Variants in TNIK observed in about 807,000 individuals in gnomAD.
The protein encoded by TNIK is TRAF2 and NCK-interacting protein kinase.
A neutral mutation model predicts 191.3 loss-of-function variants in TNIK; 49 were observed. The ratio of observed to expected loss-of-function variants is 0.26; its 90% confidence interval spans 0.20 to 0.32. The LOEUF (loss-of-function observed/expected upper bound fraction) is 0.32, where lower values mean the gene tolerates loss of function less well. Among genes scored for constraint, TNIK ranks in the 10% least tolerant of loss-of-function variants. The probability of loss-of-function intolerance (pLI) is 1.00; values close to 1 mark genes in which losing one functional copy is unlikely to be tolerated. For missense variants in TNIK, 1,155 were observed against 1,702.3 expected, an observed-to-expected ratio of 0.68 and a Z score of 5.66; for synonymous variants, 594 against 600.9, an observed-to-expected ratio of 0.99 and a Z score of 0.17.
intron 3 of TNIK, among the ~76,000 whole-genome samples, chr3:171,212,006 G>T (rs1448497963): frequency 1.3e-5 from 2 of 152,160 alleles, no homozygotes; most frequent in Middle Eastern, 3.2e-3. Flanking sequence ...TTTTCTTGAT[G>T]TGTATACACA....
intron 2 of TNIK, among the ~76,000 whole-genome samples, chr3:171,233,759 C>G (rs1743947911): frequency 1.3e-5 from 2 of 152,146 alleles, no homozygotes; most frequent in African/African-American, 4.8e-5. Flanking sequence ...AGGCACTCAG[C>G]AAATATTTGC....
intron 28 of TNIK, 186 bp from the exon 29 acceptor site, chr3:171,071,509 T>C (rs1719172449): frequency 1.8e-6 from 1 of 563,632 alleles, no homozygotes; most frequent in Non-Finnish European, 3.1e-6. Context: ...CTTAGCGAAC[T>C]TTGGTTGGCA....
intron 2 of TNIK, among the ~76,000 whole-genome samples, chr3:171,367,089 T>C (rs1357920075): frequency 6.6e-6 from 1 of 151,988 alleles, no homozygotes; most frequent in African/African-American, 2.4e-5. Context: ...TAATACAGTA[T>C]TTAACAGAAA....
chr3:171,208,361 A>AT (rs1245554883), intron 4 of TNIK, among the ~76,000 whole-genome samples: 7 of 152,180 alleles, frequency 4.6e-5, no homozygotes, highest in Admixed American at 4.6e-4. Flanking sequence ...AGAAAAAAAA[A>AT]GCAGATGTAA....
At chr3:171,115,175 T>TA (rs1416107581) in intron 18 of TNIK, among the ~76,000 whole-genome samples, 2 of 152,164 alleles carry the variant, frequency 1.3e-5, no homozygotes, top group Non-Finnish European at 2.9e-5. Flanking sequence ...AAAAAATAAA[T>TA]AAAAAATCTC....
At chr3:171,105,819 T>C (rs1490486446) in intron 21 of TNIK, among the ~76,000 whole-genome samples, 2 of 152,190 alleles carry the variant, frequency 1.3e-5, no homozygotes, top group Non-Finnish European at 2.9e-5. Flanking sequence ...GCACAGCCAT[T>C]TTATTGGCAA....
At chr3:171,174,935 G>A (rs1405099210) in intron 9 of TNIK, among the ~76,000 whole-genome samples, 1 of 152,134 alleles carries the variant, frequency 6.6e-6, no homozygotes. Context: ...TCTCTGATAA[G>A]CTGTTCTGTG....
chr3:171,069,210 G>A (rs1466579520), intron 29 of TNIK, among the ~76,000 whole-genome samples: 1 of 152,166 alleles, frequency 6.6e-6, no homozygotes, highest in Non-Finnish European at 1.5e-5. Flanking sequence ...TGTCCTTCGG[G>A]GCAGTGAAGT....
chr3:171,174,459 T>C (rs1735728429), intron 9 of TNIK, among the ~76,000 whole-genome samples: 1 of 152,186 alleles, frequency 6.6e-6, no homozygotes, highest in Non-Finnish European at 1.5e-5. Flanking sequence ...GATACACCAT[T>C]TCCATAGGAA....
intron 27 of TNIK, among the ~76,000 whole-genome samples, chr3:171,080,685 C>T (rs543853057): frequency 2.0e-5 from 3 of 152,054 alleles, no homozygotes; most frequent in Non-Finnish European, 2.9e-5. Flanking sequence ...ATGATCCGCC[C>T]GCCTCGGCCT....
chr3:171,376,792 A>ATAGATAGG (rs1382634768), intron 1 of TNIK, among the ~76,000 whole-genome samples: 1 of 148,398 alleles, frequency 6.7e-6, no homozygotes, highest in Admixed American at 6.7e-5. Flanking sequence ...AGATAGATAG[A>ATAGATAGG]TGAGAGAGAT....
intron 2 of TNIK, among the ~76,000 whole-genome samples, chr3:171,352,262 T>C (rs1388370216): frequency 1.3e-5 from 2 of 152,196 alleles, no homozygotes; most frequent in African/African-American, 4.8e-5. Flanking sequence ...CATAAAATTT[T>C]CCATATCTTC....
chr3:171,142,390 G>A (rs1403361863), intron 12 of TNIK, among the ~76,000 whole-genome samples: 1 of 152,210 alleles, frequency 6.6e-6, no homozygotes, highest in Non-Finnish European at 1.5e-5. Context: ...GCTGAGGATG[G>A]AGACACAGCC....
At chr3:171,351,373 ATC>A (rs1239478637) in intron 2 of TNIK, among the ~76,000 whole-genome samples, 1 of 152,016 alleles carries the variant, frequency 6.6e-6, no homozygotes, top group Non-Finnish European at 1.5e-5. Flanking sequence ...CACTTGACAG[ATC>A]TCTCAACCAT....
In TNIK at chr3:171,153,473, C is replaced by T. The variant is rs555777310; in HGVS notation, c.1221+3987G>A. Reference sequence around the variant, plus strand: ...ATCCCTGATGTCTAATCAACTTGCACATCCTGCATGGTCCACAGGCTACAT... The same window carrying T: ...ATCCCTGATGTCTAATCAACTTGCATATCCTGCATGGTCCACAGGCTACAT... On this transcript the variant is annotated intron_variant, in intron 12 of 32. Coordinates refer to ENST00000436636, the MANE Select transcript of TNIK (RefSeq NM_015028.4). Among the ~76,000 whole-genome samples, 11 of 152,318 alleles carry T rather than the reference C, an allele frequency of 7.2e-5. No individual in the cohort carries two copies. The East Asian group carries it at 2.1e-3, about 29-fold the overall frequency.
At chr3:171,432,204 A>C (rs2108662336) in intron 1 of TNIK, among the ~76,000 whole-genome samples, 1 of 152,308 alleles carries the variant, frequency 6.6e-6, no homozygotes, top group South Asian at 2.1e-4. Flanking sequence ...TACAGAACAC[A>C]ATCGACTTGT....
Position 171,085,147 on chromosome 3 carries a change from T to A in TNIK, c.2969A>T (p.Asp990Val), listed in dbSNP as rs1721179295. The A allele has an allele frequency of 6.2e-7, 1 of 1,611,220 alleles. No individual in the cohort carries two copies. The highest frequency in any genetic ancestry group is 1.3e-5 in the African/African-American group (1 of 74,902). ...GGCTGATGATTCCTCATCCTCTTCA[T>A]CTTCATCAGTGGGAGACGTCTGGTA... Reference protein sequence around the residue: ...RVYQTSPTDEDEEDEESSAAA... With the variant: ...RVYQTSPTDEVEEDEESSAAA... The change falls in exon 25 of 33, where the codon GAT (aspartate) becomes GTT (valine). Residue 990 changes from aspartate (D) to valine (V), a missense_variant. Around this residue, in one of 3 missense-constraint regions of TNIK, gnomAD observed 735 missense variants for 848.0 expected, o/e 0.87. Coordinates refer to ENST00000436636, the MANE Select transcript of TNIK (RefSeq NM_015028.4).
intron 2 of TNIK, among the ~76,000 whole-genome samples, chr3:171,293,338 C>T (rs1186907118): frequency 2.0e-5 from 3 of 152,230 alleles, no homozygotes; most frequent in Non-Finnish European, 4.4e-5. Flanking sequence ...CATTTCAGCT[C>T]ATCCTCAAGC....
chr3:171,082,445 T>C lies in TNIK; in HGVS notation c.3170-51A>G, dbSNP rs375308713. The C allele has an allele frequency of 7.9e-5, 125 of 1,583,336 alleles. No individual in the cohort carries two copies. The African/African-American group carries it at 1.3e-3, about 17-fold the overall frequency. ...ACTGACTTTTCATGAACTTTAATCT[T>C]CTGCATCGAGAGTCCCTATAAAATT... On this transcript the variant is annotated intron_variant, in intron 26 of 32. Coordinates refer to ENST00000436636, the MANE Select transcript of TNIK (RefSeq NM_015028.4).
Sources: allele counts gnomAD v4.1 joint callset (sites outside exome capture counted in the v4.1 genomes callset), GRCh38; gene constraint gnomAD v4.1.1; regional missense constraint gnomAD v4.1.1; transcripts MANE v1.5; gene names NCBI Gene and HGNC (gene_info 2026-07-23, HGNC 2026-07-21).